Variants in PRDM6 observed in about 807,000 individuals in gnomAD.
PRDM6 encodes PR/SET domain 6, also known as putative histone-lysine N-methyltransferase PRDM6.
Under a neutral mutation model 60.8 loss-of-function variants are expected in PRDM6, and 25 were observed. The ratio of observed to expected loss-of-function variants is 0.41; its 90% CI spans 0.30 to 0.57. The LOEUF (loss-of-function observed/expected upper bound fraction) is 0.57. Among genes scored for constraint, PRDM6 ranks in the 20% least tolerant of loss-of-function variants. The pLI, the probability that PRDM6 is intolerant of heterozygous loss-of-function variation, is 0.27. For synonymous variants in PRDM6, 407 were observed against 357.4 expected (o/e 1.14, Z -1.57); for missense variants, 839 against 821.3 (o/e 1.02, Z -0.26).
chr5:123,120,133 AAAAGATTT>A lies in PRDM6; in HGVS notation c.900+20177_900+20184del, dbSNP rs561286191. Among the ~76,000 whole-genome samples the A allele has an allele frequency of 3.7e-4, 56 of 152,354 alleles. No individual in the cohort carries two copies. The East Asian group carries it at 0.011, about 29-fold the overall frequency. On this transcript the variant is annotated intron_variant, in intron 3 of 7. Coordinates refer to ENST00000407847, the MANE Select transcript of PRDM6 (RefSeq NM_001136239.4). ...TTTATCCTCAGTTAACTTCTTTCCA[AAAAGATTT>A]AAAGTGGGTCTTAGAAAGCCGAAGT...
intron 4 of PRDM6, among the ~76,000 whole-genome samples, chr5:123,159,224 A>G (rs183633416): frequency 8.9e-4 from 135 of 152,264 alleles, no homozygotes; most frequent in Admixed American, 1.6e-3. Flanking sequence ...TGTGAGATGA[A>G]ATTTTTTTAA....
At chr5:123,121,893 G>A (rs1423273751) in intron 3 of PRDM6, among the ~76,000 whole-genome samples, 1 of 149,722 alleles carries the variant, frequency 6.7e-6, no homozygotes, top group Non-Finnish European at 1.5e-5. Flanking sequence ...GCTGGGTGCG[G>A]TGGCTCATGT....
chr5:123,152,461 A>G (rs1765390125), intron 3 of PRDM6, among the ~76,000 whole-genome samples: 1 of 152,194 alleles, frequency 6.6e-6, no homozygotes, highest in South Asian at 2.1e-4. Context: ...ATTGTTCAGG[A>G]AAAACAAGGT....
At chr5:123,140,926 G>A (rs466686) in intron 3 of PRDM6, among the ~76,000 whole-genome samples, 9,654 of 151,944 alleles carry the variant, frequency 0.064, 331 homozygotes, top group Non-Finnish European at 0.073. Context: ...TTCATCAGGC[G>A]TGTCCCCCTT....
chr5:123,176,911 G>A (rs539176502), intron 6 of PRDM6, among the ~76,000 whole-genome samples: 24 of 152,292 alleles, frequency 1.6e-4, no homozygotes, highest in African/African-American at 5.8e-4. Context: ...TCAGACCTTG[G>A]AAAATTAATG....
rs952613662 is a variant in PRDM6 at position 123,190,818 on chromosome 5, A to G, written c.*3617A>G. ...GTGTTCACCATAAGCAGCATTATTT[A>G]AGTGACTATTCATGATAAAATAATA... On this transcript the variant is annotated 3_prime_UTR_variant, in exon 8 of 8. Transcript: ENST00000407847. The G allele has an allele frequency of 6.6e-6, 1 of 152,214 alleles. No individual in the cohort carries two copies. Among genetic ancestry groups the G allele is most frequent in the Non-Finnish European group, 1.5e-5 (1 of 68,028 alleles). The allele number at this position is 152,214 out of a possible 1,614,324, so 9.4% of individuals were successfully genotyped here.
At chr5:123,108,860 A>G (rs1036078404) in intron 3 of PRDM6, among the ~76,000 whole-genome samples, 1 of 152,118 alleles carries the variant, frequency 6.6e-6, no homozygotes, top group African/African-American at 2.4e-5. Flanking sequence ...TATTTGCACT[A>G]TCTCTTTGAT....
chr5:123,141,342 T>C (rs1425392755), intron 3 of PRDM6, among the ~76,000 whole-genome samples: 1 of 152,076 alleles, frequency 6.6e-6, no homozygotes, highest in Non-Finnish European at 1.5e-5. Flanking sequence ...TATCTTGGCA[T>C]TTATGTAATT....
chr5:123,170,297 G>A (rs1765856162), intron 5 of PRDM6, among the ~76,000 whole-genome samples: 1 of 152,082 alleles, frequency 6.6e-6, no homozygotes, highest in South Asian at 2.1e-4. Flanking sequence ...GCTTTTCCTG[G>A]ATACCTATCC....
chr5:123,148,750 TGATA>T (rs555978450), intron 3 of PRDM6, among the ~76,000 whole-genome samples: 1 of 152,354 alleles, frequency 6.6e-6, no homozygotes, highest in African/African-American at 2.4e-5. Flanking sequence ...GAAATTTGAT[TGATA>T]AAGAACTTTA....
chr5:123,100,201 A>G (rs1050599109), intron 3 of PRDM6, among the ~76,000 whole-genome samples: 1 of 152,252 alleles, frequency 6.6e-6, no homozygotes, highest in Non-Finnish European at 1.5e-5. Flanking sequence ...CCAGGGAAAC[A>G]GCCTACAGGT....
intron 5 of PRDM6, among the ~76,000 whole-genome samples, chr5:123,160,502 A>G (rs1208156725): frequency 1.3e-5 from 2 of 152,250 alleles, no homozygotes; most frequent in Non-Finnish European, 2.9e-5. Flanking sequence ...AAGATAACAG[A>G]TATCTTTTGA....
rs576407639 is a variant in PRDM6 at position 123,175,781 on chromosome 5, C to T, written c.1497-4366C>T. Among the ~76,000 whole-genome samples, 10 of 152,260 alleles carry T rather than the reference C, an allele frequency of 6.6e-5. 1 individual carries two copies. In the East Asian group the frequency reaches 1.9e-3, roughly 29 times the overall value. Reference sequence around the variant, plus strand: ...TTAAAGCAGGATTAATATTTTTAAGCCAAACCATACTTAATTTTGTTAAAT... The same window carrying T: ...TTAAAGCAGGATTAATATTTTTAAGTCAAACCATACTTAATTTTGTTAAAT... On this transcript the variant is annotated intron_variant, in intron 6 of 7. Transcript: ENST00000407847.
At position 123,188,413 on chromosome 5, in the gene PRDM6, G is replaced by A. The variant is rs1766336385; in HGVS notation, c.*1212G>A. Reference sequence around the variant, plus strand: ...TCTCCACACAATTTCACTATTCTTTGAGTGCTGAGAATGTGAGTTTAATTT... The same window carrying A: ...TCTCCACACAATTTCACTATTCTTTAAGTGCTGAGAATGTGAGTTTAATTT... On this transcript the variant is annotated 3_prime_UTR_variant, in exon 8 of 8. Transcript: ENST00000407847. 6.6e-6 allele frequency: 1 copy of A among 152,206 alleles called. No homozygotes were observed. Among genetic ancestry groups the A allele is most frequent in the Admixed American group, 6.5e-5 (1 of 15,278 alleles). 9.4% of individuals were successfully genotyped at this position (152,206 alleles called of 1,614,324 possible).
intron 3 of PRDM6, among the ~76,000 whole-genome samples, chr5:123,125,409 G>T (rs1764673436): frequency 6.6e-6 from 1 of 152,220 alleles, no homozygotes; most frequent in Non-Finnish European, 1.5e-5. Flanking sequence ...GTTAATGGAG[G>T]TTTACTTTGG....
intron 6 of PRDM6, among the ~76,000 whole-genome samples, chr5:123,178,837 C>T (rs1766075082): frequency 6.6e-6 from 1 of 152,178 alleles, no homozygotes; most frequent in South Asian, 2.1e-4. Flanking sequence ...GTTGTACATG[C>T]TCAGTCACCA....
intron 7 of PRDM6, among the ~76,000 whole-genome samples, chr5:123,184,097 G>A (rs949504259): frequency 2.0e-5 from 3 of 152,132 alleles, no homozygotes; most frequent in African/African-American, 7.2e-5. Context: ...GCAAATCCAA[G>A]AAGCAAATCA....
intron 6 of PRDM6, among the ~76,000 whole-genome samples, chr5:123,178,496 T>C: frequency 6.6e-6 from 1 of 152,248 alleles, no homozygotes; most frequent in Admixed American, 6.5e-5. Flanking sequence ...ATTTTAATGG[T>C]TTTCAAAGGA....
intron 3 of PRDM6, among the ~76,000 whole-genome samples, chr5:123,116,019 A>G (rs368289449): frequency 6.6e-6 from 1 of 152,212 alleles, no homozygotes; most frequent in East Asian, 1.9e-4. Context: ...TCACTTTTTA[A>G]TTTACAAGAG....
Sources: gnomAD v4.1 joint callset for allele counts (sites outside exome capture counted in the v4.1 genomes callset) on GRCh38, gnomAD v4.1.1 for gene constraint, MANE v1.5 for transcripts, NCBI Gene and HGNC (gene_info 2026-07-23, HGNC 2026-07-21) for gene names.